The following LRP5 variants were observed in gnomAD, a reference collection of about 807,000 sequenced individuals.
The protein encoded by LRP5 is LDL receptor related protein 5.
LRP5 carries 62 observed loss-of-function variants against 154.1 expected under a neutral mutation model. The observed-to-expected ratio is 0.40, with a 90% confidence interval of 0.33 to 0.50. The LOEUF (loss-of-function observed/expected upper bound fraction) is 0.50. Among genes scored for constraint, LRP5 ranks in the 20% least tolerant of loss-of-function variants. LRP5 has a pLI of 0.55. For missense variants in LRP5, 1,915 were observed against 2,336.7 expected (o/e 0.82, Z 3.72); for synonymous variants, 966 against 1,011.5 (o/e 0.96, Z 0.85).
intron 8 of LRP5, among the ~76,000 whole-genome samples, chr11:68,406,078 T>C (rs1259653395): frequency 6.6e-6 from 1 of 152,138 alleles, no homozygotes; most frequent in Non-Finnish European, 1.5e-5. Context: ...AAAATGGGGA[T>C]GAGAATAGCT....
intron 13 of LRP5, among the ~76,000 whole-genome samples, chr11:68,421,020 A>T (rs1031500405): frequency 1.3e-4 from 20 of 151,966 alleles, no homozygotes; most frequent in African/African-American, 4.6e-4. Context: ...AGGTCAGGAG[A>T]TCAAGACCAT....
At chr11:68,325,597 C>A (rs1354435663) in intron 1 of LRP5, among the ~76,000 whole-genome samples, 1 of 152,214 alleles carries the variant, frequency 6.6e-6, no homozygotes, top group African/African-American at 2.4e-5. Context: ...AGCCTCCTTC[C>A]CCTACCCCGA....
chr11:68,363,886 A>G lies in LRP5; in HGVS notation c.826A>G (p.Ser276Gly). Residue 276 changes from serine (S) to glycine (G), a missense_variant, in exon 4 of 23, where the codon AGT becomes GGT. By Grantham distance (56) the Ser-to-Gly change is moderately conservative. This residue lies in a region of LRP5 where 773 missense variants were observed against 1,100.9 expected (regional missense o/e 0.70). Transcript: ENST00000294304. ...RTGGKRKEIL[S>G]ALYSPMDIQV... is the part of the protein sequence containing the mutation. ...TGGGGGGAAGAGGAAGGAGATCCTG[A>G]GTGCCCTCTACTCACCCATGGACAT... 3 of 1,611,428 alleles carry G rather than the reference A, an allele frequency of 1.9e-6. No homozygotes were observed. The highest frequency in any genetic ancestry group is 2.5e-6 in the Non-Finnish European group (3 of 1,179,106).
intron 7 of LRP5, among the ~76,000 whole-genome samples, chr11:68,396,650 C>A (rs190619029): frequency 1.9e-4 from 29 of 152,260 alleles, no homozygotes; most frequent in African/African-American, 7.0e-4. Flanking sequence ...TCTGGGAGGC[C>A]CCTCCTGCTG....
In LRP5 at chr11:68,334,155, A is replaced by T. The variant is rs138016040; in HGVS notation, c.92-13692A>T. ...AAGCTGAGGCAGGAGAATCACTTGAACCCAGGAGGCGGACGTTGCAGTGAG... is the reference window on the plus strand; with the variant it reads ...AAGCTGAGGCAGGAGAATCACTTGATCCCAGGAGGCGGACGTTGCAGTGAG... On this transcript the variant is annotated intron_variant, in intron 1 of 22. Coordinates refer to ENST00000294304, the MANE Select transcript of LRP5 (RefSeq NM_002335.4). Among the ~76,000 whole-genome samples the T allele has an allele frequency of 2.6e-3, 390 of 152,262 alleles. 1 individual carries two copies. The highest frequency in any genetic ancestry group is 4.4e-3 in the Admixed American group (67 of 15,286).
intron 6 of LRP5, among the ~76,000 whole-genome samples, chr11:68,388,672 C>G (rs1468845765): frequency 6.6e-6 from 1 of 152,162 alleles, no homozygotes; most frequent in Non-Finnish European, 1.5e-5. Flanking sequence ...CCCTTCCTCC[C>G]TCTAGGTGCT....
chr11:68,372,843 C>T lies in LRP5; in HGVS notation c.1015+7141C>T, dbSNP rs527822305. Among the ~76,000 whole-genome samples the T allele has an allele frequency of 9.2e-5, 14 of 151,662 alleles. No individual in the cohort carries two copies. The East Asian group carries it at 1.9e-3, about 21-fold the overall frequency. ...CGGCCAGCGGGTGACCTGGGGAGGA[C>T]GGAGGGGGGTGTGCTGGGCGCTTCA... On this transcript the variant is annotated intron_variant, in intron 5 of 22. Transcript: ENST00000294304.
At chr11:68,329,752 C>T (rs1591181338) in intron 1 of LRP5, among the ~76,000 whole-genome samples, 1 of 152,202 alleles carries the variant, frequency 6.6e-6, no homozygotes, top group South Asian at 2.1e-4. Context: ...TGGCCTCCCA[C>T]CGGCCATCAG....
At chr11:68,366,893 G>A (rs1035358262) in intron 5 of LRP5, among the ~76,000 whole-genome samples, 2 of 150,306 alleles carry the variant, frequency 1.3e-5, no homozygotes, top group Admixed American at 6.7e-5. Flanking sequence ...CATTCAGCAG[G>A]CATTTGTCGA....
At position 68,361,284 on chromosome 11, in the gene LRP5, T is replaced by G. The variant is rs1238699860; in HGVS notation, c.687-2463T>G. ...CCCGCCACTGCACTCCAGCCTGGGC[T>G]ACAGAGCGAGACTCTGTCTCAAAAA... On this transcript the variant is annotated intron_variant, in intron 3 of 22. Transcript: ENST00000294304. Among the ~76,000 whole-genome samples, 105 of 137,070 alleles carry G rather than the reference T, an allele frequency of 7.7e-4. No homozygotes were observed. In the Middle Eastern group the frequency reaches 0.016, roughly 21 times the overall value. 89.9% of individuals were successfully genotyped at this position (137,070 alleles called of 152,430 possible). A position where few individuals can be genotyped will look rare whatever the true frequency, so the allele number is the denominator to read the frequency against.
intron 1 of LRP5, among the ~76,000 whole-genome samples, chr11:68,325,666 G>A (rs1052282760): frequency 6.6e-6 from 1 of 152,220 alleles, no homozygotes; most frequent in Non-Finnish European, 1.5e-5. Flanking sequence ...TCGGGGTCCT[G>A]GGGGTTGCGT....
rs771696099 is a variant in LRP5, at chr11:68,429,646, C to G, written c.3709C>G (p.Arg1237Gly). Residue 1237 changes from arginine (R) to glycine (G), a missense_variant, in exon 17 of 23, where the codon CGG becomes GGG. By Grantham distance (125) the Arg-to-Gly change is moderately radical. Around this residue, in one of 3 missense-constraint regions of LRP5, gnomAD observed 1,094 missense variants for 1,210.1 expected, o/e 0.90. Transcript: ENST00000294304. ...ICIAKGDGTP[R>G]CSCPVHLVLL... is the part of the protein sequence containing the mutation. ...TATTGCCAAGGGTGATGGGACACCA[C>G]GGTGCTCATGCCCAGTCCACCTCGT... is the stretch of plus-strand genomic sequence containing the variant. 5 of 1,614,052 alleles carry G rather than the reference C, an allele frequency of 3.1e-6. No homozygotes were observed. Among genetic ancestry groups the G allele is most frequent in the Non-Finnish European group, 4.2e-6 (5 of 1,180,040 alleles).
intron 1 of LRP5, among the ~76,000 whole-genome samples, chr11:68,323,611 G>A (rs1192741902): frequency 6.6e-6 from 1 of 151,824 alleles, no homozygotes; most frequent in Non-Finnish European, 1.5e-5. Flanking sequence ...GTAGAAATGG[G>A]GTCCCTCCAT....
At chr11:68,411,731 A>G in intron 11 of LRP5, 111 bp downstream of exon 11, 2 of 1,206,606 alleles carry the variant, frequency 1.7e-6, no homozygotes, top group Non-Finnish European at 2.3e-6. Context: ...CCAACCTGGC[A>G]GGAGCTGTGG....
chr11:68,406,310 G>A (rs1389355572), intron 8 of LRP5, among the ~76,000 whole-genome samples: 11 of 152,206 alleles, frequency 7.2e-5, no homozygotes, highest in Non-Finnish European at 5.9e-5. Context: ...GGAGCTTTTG[G>A]CACATCCTGG....
At chr11:68,352,800 G>A (rs576105087) in intron 2 of LRP5, among the ~76,000 whole-genome samples, 31 of 150,726 alleles carry the variant, frequency 2.1e-4, no homozygotes, top group Admixed American at 5.3e-4. Flanking sequence ...GATCAGTTGG[G>A]AGGTGCTAGA....
At chr11:68,300,890 A>ATTATT in the LRP5 span, among the ~76,000 whole-genome samples, 2 of 148,248 alleles carry the variant, frequency 1.3e-5, no homozygotes, top group Non-Finnish European at 3.0e-5. Context: ...GTGACTATCC[A>ATTATT]TTATTTTATT....
At chr11:68,337,458 G>A (rs960658098) in intron 1 of LRP5, among the ~76,000 whole-genome samples, 1 of 152,148 alleles carries the variant, frequency 6.6e-6, no homozygotes, top group Non-Finnish European at 1.5e-5. Context: ...GTGCGTAATT[G>A]CCTCTGGGGA....
At position 68,406,702 on chromosome 11, in the gene LRP5, C is replaced by T. The variant is rs140604679; in HGVS notation, c.1980C>T (p.Leu660=). ...GAGCCGCCATCCACAGGATCTCCCTCGAGACCAATAACAACGACGTGGCCA... is the reference window on the plus strand; with the variant it reads ...GAGCCGCCATCCACAGGATCTCCCTTGAGACCAATAACAACGACGTGGCCA... ...TSRAAIHRIS[L]ETNNNDVAIP... The change falls in exon 9 of 23, where the codon CTC becomes CTT. Residue 660 remains leucine, a synonymous_variant. Coordinates refer to ENST00000294304, the MANE Select transcript of LRP5 (RefSeq NM_002335.4). The T allele has an allele frequency of 1.5e-5, 24 of 1,614,068 alleles. No individual in the cohort carries two copies. Among genetic ancestry groups the T allele is most frequent in the South Asian group, 9.9e-5 (9 of 91,080 alleles).
Sources: gnomAD v4.1 joint callset for allele counts (sites outside exome capture counted in the v4.1 genomes callset) on GRCh38, gnomAD v4.1.1 for gene constraint, gnomAD v4.1.1 regional missense constraint, MANE v1.5 for transcripts, NCBI Gene and HGNC (gene_info 2026-07-23, HGNC 2026-07-21) for gene names.